SORCS2: variants seen among roughly 807,000 people sequenced by gnomAD.
The protein encoded by SORCS2 is VPS10 domain-containing receptor SorCS2.
A neutral mutation model predicts 141.6 loss-of-function variants in SORCS2; 100 were observed. That is an observed-to-expected ratio of 0.71 (90% confidence interval 0.60 to 0.83). SORCS2 has a LOEUF of 0.83. Among genes scored for constraint, SORCS2 ranks in the 40% least tolerant of loss-of-function variants. The pLI is 0.00. For synonymous variants in SORCS2, 789 were observed against 676.9 expected (o/e 1.17, Z -2.57); for missense variants, 1,646 against 1,560.2 (o/e 1.05, Z -0.93).
In SORCS2 at chr4:7,717,373, G is replaced by A. The variant is rs534240536; in HGVS notation, c.2253-639G>A. On this transcript the variant is annotated intron_variant, in intron 17 of 26. Coordinates refer to ENST00000507866, the MANE Select transcript of SORCS2 (RefSeq NM_020777.3). ...ACTCTGACGTGATCTGCTCAGGTCC[G>A]CCTCTGCCTCTCCACTAGAGGGTCT... Among the ~76,000 whole-genome samples, 100 of 152,284 alleles carry A rather than the reference G, an allele frequency of 6.6e-4. 1 individual carries two copies. In the South Asian group the frequency reaches 9.7e-3, roughly 15 times the overall value.
chr4:7,667,022 G>T, intron 7 of SORCS2, 102 bp from the exon 8 acceptor site: 1 of 1,035,560 alleles, frequency 9.7e-7, no homozygotes, highest in Non-Finnish European at 1.5e-6. Flanking sequence ...AAAGTAAAAG[G>T]GCATTTTCAC....
rs753569670 is a variant in SORCS2, at chr4:7,396,368, G to A, written c.548+13G>A. 3.9e-5 allele frequency: 63 copies of A among 1,613,388 alleles called. No homozygotes were observed. The highest frequency in any genetic ancestry group is 8.9e-5 in the East Asian group (4 of 44,892). On this transcript the variant is annotated intron_variant, in intron 2 of 26. Coordinates refer to ENST00000507866, the MANE Select transcript of SORCS2 (RefSeq NM_020777.3). Reference sequence around the variant, plus strand: ...GTTCTCTGTGGCGGTAAGTCAGCCCGATGGCAGGCCTTTCTCTTATGCACC... The same window carrying A: ...GTTCTCTGTGGCGGTAAGTCAGCCCAATGGCAGGCCTTTCTCTTATGCACC...
intron 1 of SORCS2, among the ~76,000 whole-genome samples, chr4:7,344,150 G>A (rs1720521999): frequency 1.3e-5 from 2 of 152,232 alleles, no homozygotes; most frequent in South Asian, 4.1e-4. Flanking sequence ...GCACGTGTCT[G>A]CTGTCCTTTG....
At chr4:7,597,089 G>A (rs1231879546) in intron 3 of SORCS2, among the ~76,000 whole-genome samples, 5 of 151,794 alleles carry the variant, frequency 3.3e-5, no homozygotes, top group African/African-American at 4.8e-5. Context: ...GGTAAGGAAA[G>A]ACTTGAAAAG....
At chr4:7,509,512 C>T (rs1732481603) in intron 2 of SORCS2, among the ~76,000 whole-genome samples, 1 of 152,096 alleles carries the variant, frequency 6.6e-6, no homozygotes, top group African/African-American at 2.4e-5. Context: ...TTTCCATGTC[C>T]ATACTCACCC....
intron 3 of SORCS2, among the ~76,000 whole-genome samples, chr4:7,612,792 G>A (rs1004831898): frequency 6.6e-5 from 10 of 152,224 alleles, no homozygotes; most frequent in African/African-American, 1.2e-4. Context: ...CTTCGCGGAC[G>A]TGGGAGAGAA....
At chr4:7,569,915 C>T (rs545051256) in intron 3 of SORCS2, among the ~76,000 whole-genome samples, 1 of 152,316 alleles carries the variant, frequency 6.6e-6, no homozygotes, top group Admixed American at 6.5e-5. Context: ...CTCCCCACCC[C>T]TGTGGATGTG....
chr4:7,705,118 T>G (rs6446614), intron 14 of SORCS2, among the ~76,000 whole-genome samples: 1 of 152,034 alleles, frequency 6.6e-6, no homozygotes, highest in African/African-American at 2.4e-5. Context: ...GGGCGGACCC[T>G]GATCCAATGA....
chr4:7,466,210 G>A (rs1172602077), intron 2 of SORCS2, among the ~76,000 whole-genome samples: 1 of 152,222 alleles, frequency 6.6e-6, no homozygotes, highest in African/African-American at 2.4e-5. Context: ...CAGGGCAGGT[G>A]GGGGTGAGAG....
chr4:7,433,741 G>A (rs1364541912), intron 2 of SORCS2: 1 of 1,613,282 alleles, frequency 6.2e-7, no homozygotes, highest in Non-Finnish European at 8.5e-7. Context: ...CGGCACGATG[G>A]CATAGGCATC....
chr4:7,621,076 AG>A (rs1416882587), intron 3 of SORCS2, among the ~76,000 whole-genome samples: 1 of 152,032 alleles, frequency 6.6e-6, no homozygotes, highest in Non-Finnish European at 1.5e-5. Flanking sequence ...GACCACAAGG[AG>A]GGGGCTCCCA....
chr4:7,696,517 C>A, intron 11 of SORCS2, among the ~76,000 whole-genome samples: 1 of 152,266 alleles, frequency 6.6e-6, no homozygotes, highest in Admixed American at 6.5e-5. Flanking sequence ...ATGAGGTTGG[C>A]TTGGATGCTG....
intron 1 of SORCS2, among the ~76,000 whole-genome samples, chr4:7,215,020 C>G (rs1170036948): frequency 6.6e-6 from 1 of 152,148 alleles, no homozygotes; most frequent in Non-Finnish European, 1.5e-5. Context: ...TGGGCTCCCA[C>G]TTTGGCGGCA....
chr4:7,232,409 C>T (rs577311826), intron 1 of SORCS2, among the ~76,000 whole-genome samples: 65 of 152,270 alleles, frequency 4.3e-4, no homozygotes, highest in African/African-American at 1.3e-3. Context: ...GCCTGGACGC[C>T]GGAGAGCGCT....
chr4:7,459,663 C>G (rs1311842246), intron 2 of SORCS2, among the ~76,000 whole-genome samples: 1 of 152,184 alleles, frequency 6.6e-6, no homozygotes, highest in East Asian at 1.9e-4. Flanking sequence ...GGCCACTGGT[C>G]TCTCTGGTCT....
chr4:7,740,203 A>G lies in SORCS2; in HGVS notation c.3419A>G (p.Asn1140Ser), dbSNP rs979532371. The G allele has an allele frequency of 7.5e-6, 12 of 1,607,770 alleles. No homozygotes were observed. Among genetic ancestry groups the G allele is most frequent in the Middle Eastern group, 1.6e-4 (1 of 6,080 alleles). The change falls in exon 27 of 27, where the codon AAC becomes AGC. Residue 1140 changes from asparagine to serine, a missense_variant. By Grantham distance (46) the Asn-to-Ser change is conservative (BLOSUM62 1). Transcript: ENST00000507866. ...CTGCGTCTCTTCTGTTTCCTAGGCAACCACTCAGGCGTGGTCCTGAGCATC... is the reference window on the plus strand; with the variant it reads ...CTGCGTCTCTTCTGTTTCCTAGGCAGCCACTCAGGCGTGGTCCTGAGCATC... ...SEDVQGAVQG[N>S]HSGVVLSINS...
intron 1 of SORCS2, among the ~76,000 whole-genome samples, chr4:7,247,735 C>T (rs1713206372): frequency 6.6e-6 from 1 of 152,196 alleles, no homozygotes; most frequent in Non-Finnish European, 1.5e-5. Flanking sequence ...GGCGAGGGGC[C>T]TGCTTCTTTG....
chr4:7,205,809 G>C (rs1407941973), intron 1 of SORCS2, among the ~76,000 whole-genome samples: 3 of 152,246 alleles, frequency 2.0e-5, no homozygotes, highest in African/African-American at 7.2e-5. Context: ...TTGGGAGGCA[G>C]AGGCGGGTGG....
intron 12 of SORCS2, among the ~76,000 whole-genome samples, chr4:7,702,719 G>T (rs140601156): frequency 6.6e-6 from 1 of 152,372 alleles, no homozygotes; most frequent in African/African-American, 2.4e-5. Context: ...TGAGCTCTGT[G>T]GGGCACAGAA....
Sources: gnomAD v4.1 joint callset for allele counts (sites outside exome capture counted in the v4.1 genomes callset) on GRCh38, gnomAD v4.1.1 for gene constraint, MANE v1.5 for transcripts, NCBI Gene and HGNC (gene_info 2026-07-23, HGNC 2026-07-21) for gene names.